Variants in ERBB4 observed in about 807,000 individuals in gnomAD.
ERBB4 encodes the protein erb-b2 receptor tyrosine kinase 4, also known as receptor tyrosine-protein kinase erbB-4.
A neutral mutation model predicts 158.0 loss-of-function variants in ERBB4; 42 were observed. The ratio of observed to expected loss-of-function variants is 0.27; its 90% CI spans 0.21 to 0.34. ERBB4 has a LOEUF of 0.34. ERBB4 is among the 10% of genes least tolerant of loss of function. ERBB4 has a pLI of 1.00. For missense variants in ERBB4, 1,333 were observed against 1,624.1 expected (o/e 0.82, Z 3.08); for synonymous variants, 583 against 558.7 (o/e 1.04, Z -0.61).
At chr2:212,410,435 T>C (rs558679801) in intron 1 of ERBB4, among the ~76,000 whole-genome samples, 14 of 152,172 alleles carry the variant, frequency 9.2e-5, no homozygotes, top group African/African-American at 3.4e-4. Context: ...TGTATAAATA[T>C]GGATTTCTTT....
chr2:211,519,323 T>C (rs1158840460), intron 20 of ERBB4, among the ~76,000 whole-genome samples: 1 of 152,190 alleles, frequency 6.6e-6, no homozygotes, highest in Non-Finnish European at 1.5e-5. Context: ...ATATAGACTG[T>C]AGATTGGCTG....
In ERBB4 at chr2:212,380,665, A is replaced by G. The variant is rs947638292; in HGVS notation, c.82+157784T>C. Among the ~76,000 whole-genome samples, 3 of 150,790 alleles carry G rather than the reference A, an allele frequency of 2.0e-5. No individual in the cohort carries two copies. In the Admixed American group the frequency reaches 2.0e-4, roughly 10 times the overall value. ...ATATATTTTATTTTAATGTATTAAGAGTATTTATGTATATATTTTCTCACG... is the reference window on the plus strand; with the variant it reads ...ATATATTTTATTTTAATGTATTAAGGGTATTTATGTATATATTTTCTCACG... On this transcript the variant is annotated intron_variant, in intron 1 of 27. Coordinates refer to ENST00000342788, the MANE Select transcript of ERBB4 (RefSeq NM_005235.3).
chr2:211,711,392 A>G (rs1028445697), intron 9 of ERBB4, among the ~76,000 whole-genome samples: 7 of 152,190 alleles, frequency 4.6e-5, no homozygotes, highest in African/African-American at 9.6e-5. Flanking sequence ...ATAACATACA[A>G]TGTTAAAATA....
At chr2:212,166,337 A>C (rs1272721864) in intron 1 of ERBB4, among the ~76,000 whole-genome samples, 2 of 152,074 alleles carry the variant, frequency 1.3e-5, no homozygotes, top group African/African-American at 2.4e-5. Flanking sequence ...TATGGTTGGA[A>C]ATTCATTTGG....
At chr2:211,750,387 T>C (rs1454126390) in intron 5 of ERBB4, among the ~76,000 whole-genome samples, 1 of 152,208 alleles carries the variant, frequency 6.6e-6, no homozygotes, top group Non-Finnish European at 1.5e-5. Context: ...TCTAAAGTTA[T>C]AGCTAATATC....
chr2:211,622,690 G>T (rs1192969583), intron 18 of ERBB4, among the ~76,000 whole-genome samples: 2 of 151,678 alleles, frequency 1.3e-5, no homozygotes, highest in African/African-American at 4.8e-5. Flanking sequence ...TGCCAGCCGG[G>T]CATGGTGGCT....
chr2:211,510,713 T>G (rs2065865169), intron 20 of ERBB4, among the ~76,000 whole-genome samples: 1 of 152,122 alleles, frequency 6.6e-6, no homozygotes, highest in East Asian at 1.9e-4. Context: ...TCTACTCATT[T>G]CATCATTTTA....
At chr2:211,500,985 T>G (rs555729303) in intron 20 of ERBB4, among the ~76,000 whole-genome samples, 1 of 152,140 alleles carries the variant, frequency 6.6e-6, no homozygotes, top group East Asian at 1.9e-4. Context: ...ATTACTTTAG[T>G]AAGATTTGAC....
chr2:212,241,798 C>G lies in ERBB4; in HGVS notation c.83-116895G>C, dbSNP rs75262800. On this transcript the variant is annotated intron_variant, in intron 1 of 27. Transcript: ENST00000342788. Reference sequence around the variant, plus strand: ...AAGTAAGTGTTTGTATGGCCTAGAGCAACTTAATCTTATTTTCATCATGTT... The same window carrying G: ...AAGTAAGTGTTTGTATGGCCTAGAGGAACTTAATCTTATTTTCATCATGTT... 4.8e-3 allele frequency among the ~76,000 whole-genome samples: 732 copies of G among 152,104 alleles called. 6 individuals carry two copies. The highest frequency in any genetic ancestry group is 0.017 in the Middle Eastern group (5 of 294).
At chr2:211,468,667 G>C (rs2064756899) in intron 20 of ERBB4, among the ~76,000 whole-genome samples, 1 of 152,100 alleles carries the variant, frequency 6.6e-6, no homozygotes, top group South Asian at 2.1e-4. Flanking sequence ...ATGAAAGAAA[G>C]CCACCGTGTT....
chr2:212,107,357 G>A (rs1024818329), intron 2 of ERBB4, among the ~76,000 whole-genome samples: 4 of 152,114 alleles, frequency 2.6e-5, no homozygotes, highest in African/African-American at 7.2e-5. Flanking sequence ...GCTGGATTTT[G>A]GACTTGCATG....
At chr2:211,745,224 T>A (rs923015324) in intron 5 of ERBB4, among the ~76,000 whole-genome samples, 1 of 152,134 alleles carries the variant, frequency 6.6e-6, no homozygotes, top group African/African-American at 2.4e-5. Flanking sequence ...CTGTATGGGG[T>A]CTCTGGAGGT....
chr2:211,797,507 G>A (rs2076407618), intron 3 of ERBB4, among the ~76,000 whole-genome samples: 1 of 151,794 alleles, frequency 6.6e-6, no homozygotes, highest in Non-Finnish European at 1.5e-5. Context: ...ATGTATGTTT[G>A]TTGCTGGCAT....
chr2:212,164,959 T>C (rs1488109893), intron 1 of ERBB4, among the ~76,000 whole-genome samples: 1 of 148,452 alleles, frequency 6.7e-6, no homozygotes, highest in African/African-American at 2.6e-5. Context: ...TGAAGAAATT[T>C]TTCTTTTTCG....
At chr2:211,820,582 C>G (rs1051399805) in intron 3 of ERBB4, among the ~76,000 whole-genome samples, 1 of 151,780 alleles carries the variant, frequency 6.6e-6, no homozygotes, top group African/African-American at 2.4e-5. Flanking sequence ...CCTCATTTAA[C>G]TAGGCCAGTA....
Position 212,170,780 on chromosome 2 carries a change from G to T in ERBB4, c.83-45877C>A, listed in dbSNP as rs565392881. Among the ~76,000 whole-genome samples the T allele has an allele frequency of 3.9e-3, 589 of 152,288 alleles. 1 individual carries two copies. The highest frequency in any genetic ancestry group is 0.012 in the African/African-American group (514 of 41,560). On this transcript the variant is annotated intron_variant, in intron 1 of 27. Coordinates refer to ENST00000342788, the MANE Select transcript of ERBB4 (RefSeq NM_005235.3). ...CATGGAAGTCAAGAATTGAGGTTTG[G>T]GAACCTCTGCCTCGATTTCAGAGGA...
intron 1 of ERBB4, among the ~76,000 whole-genome samples, chr2:212,193,555 A>C (rs907078482): frequency 6.6e-6 from 1 of 152,122 alleles, no homozygotes; most frequent in South Asian, 2.1e-4. Context: ...TTACTAGTAC[A>C]TTAAACCAAA....
At chr2:211,653,485 C>T (rs1255902871) in intron 16 of ERBB4, among the ~76,000 whole-genome samples, 2 of 148,468 alleles carry the variant, frequency 1.3e-5, no homozygotes, top group African/African-American at 2.5e-5. Context: ...CCGCCCCCCC[C>T]CACGCCCGCC....
intron 1 of ERBB4, among the ~76,000 whole-genome samples, chr2:212,378,069 T>C (rs1052130378): frequency 6.6e-6 from 1 of 151,858 alleles, no homozygotes; most frequent in Non-Finnish European, 1.5e-5. Context: ...TCTTGTCCCA[T>C]TGGAAGGTCT....
Sources: allele counts gnomAD v4.1 joint callset (sites outside exome capture counted in the v4.1 genomes callset), GRCh38; gene constraint gnomAD v4.1.1; transcripts MANE v1.5; gene names NCBI Gene and HGNC (gene_info 2026-07-23, HGNC 2026-07-21).